The following CPA6 variants were observed in gnomAD, a reference collection of about 807,000 sequenced individuals.
CPA6 encodes the protein carboxypeptidase A6, also known as carboxypeptidase B.
CPA6 carries 58 observed loss-of-function variants against 63.3 expected under a neutral mutation model. That is an observed-to-expected ratio of 0.92 (90% CI 0.74 to 1.14). The LOEUF (loss-of-function observed/expected upper bound fraction) is 1.14, where lower values mean the gene tolerates loss of function less well. Among genes scored for constraint, CPA6 ranks in the 50% most tolerant of loss-of-function variants. The probability of loss-of-function intolerance (pLI) is 0.00; values close to 1 mark genes in which losing one functional copy is unlikely to be tolerated. For missense variants in CPA6, 565 were observed against 526.6 expected, an observed-to-expected ratio of 1.07 and a Z score of -0.71; for synonymous variants, 185 against 179.0, an observed-to-expected ratio of 1.03 and a Z score of -0.27.
At chr8:67,507,464 TC>T (rs2128964931) in intron 5 of CPA6, among the ~76,000 whole-genome samples, 1 of 152,296 alleles carries the variant, frequency 6.6e-6, no homozygotes, top group South Asian at 2.1e-4. Context: ...TTCTTTACAA[TC>T]CTACCATATC....
intron 2 of CPA6, among the ~76,000 whole-genome samples, chr8:67,601,760 T>A (rs1347297431): frequency 6.6e-6 from 1 of 152,144 alleles, no homozygotes; most frequent in African/African-American, 2.4e-5. Flanking sequence ...AAATAGGAAT[T>A]TTCATACATT....
At chr8:67,630,708 TG>T (rs1490738550) in intron 1 of CPA6, among the ~76,000 whole-genome samples, 1 of 152,128 alleles carries the variant, frequency 6.6e-6, no homozygotes, top group Non-Finnish European at 1.5e-5. Context: ...TCCCTCTGCT[TG>T]AGGGGATGTG....
At chr8:67,451,904 A>G (rs1316601469) in intron 8 of CPA6, among the ~76,000 whole-genome samples, 1 of 152,236 alleles carries the variant, frequency 6.6e-6, no homozygotes, top group East Asian at 1.9e-4. Context: ...AATGTTTCCA[A>G]AAGAAAATGA....
At position 67,554,531 on chromosome 8, in the gene CPA6, A is replaced by T; in HGVS notation, c.193-36484T>A. ...ATTAAAATTCAACATAAGATTTGGCAGGGACACATATTTAAACTATATCAG... is the reference window on the plus strand; with the variant it reads ...ATTAAAATTCAACATAAGATTTGGCTGGGACACATATTTAAACTATATCAG... On this transcript the variant is annotated intron_variant, in intron 2 of 10. Coordinates refer to ENST00000297770, the MANE Select transcript of CPA6 (RefSeq NM_020361.5). Among the ~76,000 whole-genome samples, 2 of 152,186 alleles carry T rather than the reference A, an allele frequency of 1.3e-5. 1 individual carries two copies. Among genetic ancestry groups the T allele is most frequent in the Non-Finnish European group, 2.9e-5 (2 of 68,030 alleles).
chr8:67,631,917 C>T lies in CPA6; in HGVS notation c.117-7666G>A, dbSNP rs550908112. On this transcript the variant is annotated intron_variant, in intron 1 of 10. Coordinates refer to ENST00000297770, the MANE Select transcript of CPA6 (RefSeq NM_020361.5). The stretch of plus-strand genomic sequence containing the variant: ...TGAAGCCAGCGAGACCACGAACCCA[C>T]CAGAAGGAAAAACCTCTGAACATGT... 5.3e-5 allele frequency among the ~76,000 whole-genome samples: 8 copies of T among 152,150 alleles called. No homozygotes were observed. The East Asian group carries it at 1.5e-3, about 29-fold the overall frequency.
In CPA6 at chr8:67,506,819, CA is replaced by C; in HGVS notation, c.603del (p.Ile201MetfsTer10). On this transcript the variant is annotated frameshift_variant, in exon 6 of 11. Transcript: ENST00000297770. ...IDCGIHAREW[I>X]GPAFCQWFVK... ...ACAAACCACTGACAAAAGGCAGGACCAATCCATTCTCTTGCATGAATACCAC... is the reference window on the plus strand; with the variant it reads ...ACAAACCACTGACAAAAGGCAGGACCATCCATTCTCTTGCATGAATACCAC... 1 of 1,613,186 alleles carries C rather than the reference CA, an allele frequency of 6.2e-7. No individual in the cohort carries two copies. Among genetic ancestry groups the C allele is most frequent in the Non-Finnish European group, 8.5e-7 (1 of 1,179,280 alleles).
intron 1 of CPA6, among the ~76,000 whole-genome samples, chr8:67,727,372 T>C (rs1273046059): frequency 6.6e-6 from 1 of 152,160 alleles, no homozygotes; most frequent in African/African-American, 2.4e-5. Flanking sequence ...TTAAAGGAAA[T>C]TGGAAGACCT....
intron 1 of CPA6, among the ~76,000 whole-genome samples, chr8:67,729,000 A>T (rs1319445271): frequency 6.6e-6 from 1 of 152,210 alleles, no homozygotes; most frequent in African/African-American, 2.4e-5. Context: ...AGATGAAGTG[A>T]CTTCATTAAA....
At chr8:67,601,722 T>G (rs1814501036) in intron 2 of CPA6, among the ~76,000 whole-genome samples, 1 of 152,210 alleles carries the variant, frequency 6.6e-6, no homozygotes, top group Non-Finnish European at 1.5e-5. Flanking sequence ...ATAGCTTGAT[T>G]GTACCATATG....
intron 6 of CPA6, among the ~76,000 whole-genome samples, chr8:67,498,535 C>CAAAAAAAA (rs397940852): frequency 3.0e-5 from 1 of 33,176 alleles, no homozygotes; most frequent in African/African-American, 5.8e-5. Context: ...GACTCCATCT[C>CAAAAAAAA]AAAAAAAAAA....
intron 2 of CPA6, among the ~76,000 whole-genome samples, chr8:67,522,815 A>T (rs972557125): frequency 1.3e-5 from 2 of 152,214 alleles, no homozygotes; most frequent in Admixed American, 1.3e-4. Context: ...GCTGTGGTGG[A>T]TGCAGTGGGC....
rs145502171 is a variant in CPA6 at position 67,450,218 on chromosome 8, A to G, written c.839-15978T>C. 1.9e-4 allele frequency among the ~76,000 whole-genome samples: 29 copies of G among 152,320 alleles called. No individual in the cohort carries two copies. In the East Asian group the frequency reaches 5.4e-3, roughly 28 times the overall value. ...TTTATGGTCAATGTACTACATAAACATAGTGTTTTGAGAGTTACAAAAATT... is the reference window on the plus strand; with the variant it reads ...TTTATGGTCAATGTACTACATAAACGTAGTGTTTTGAGAGTTACAAAAATT... On this transcript the variant is annotated intron_variant, in intron 8 of 10. Coordinates refer to ENST00000297770, the MANE Select transcript of CPA6 (RefSeq NM_020361.5).
At chr8:67,733,373 A>C (rs1817752363) in intron 1 of CPA6, among the ~76,000 whole-genome samples, 2 of 152,006 alleles carry the variant, frequency 1.3e-5, no homozygotes, top group Admixed American at 1.3e-4. Flanking sequence ...TGCTGGTCTG[A>C]GACCCACTGT....
chr8:67,552,531 T>C (rs1035102819), intron 2 of CPA6, among the ~76,000 whole-genome samples: 4 of 151,928 alleles, frequency 2.6e-5, no homozygotes, highest in Admixed American at 2.6e-4. Context: ...CCCAGCACTT[T>C]GGGAGGCCAA....
chr8:67,523,303 C>T lies in CPA6; in HGVS notation c.193-5256G>A, dbSNP rs547195692. ...CAGCACTTTGGGAGGTAGAGGTGGG[C>T]GGATCATGAGGTCAGGAGATTGAGA... On this transcript the variant is annotated intron_variant, in intron 2 of 10. Coordinates refer to ENST00000297770, the MANE Select transcript of CPA6 (RefSeq NM_020361.5). 5.3e-5 allele frequency among the ~76,000 whole-genome samples: 8 copies of T among 152,138 alleles called. No homozygotes were observed. In the South Asian group the frequency reaches 1.5e-3, roughly 28 times the overall value.
At chr8:67,629,223 T>A (rs1445888527) in intron 1 of CPA6, among the ~76,000 whole-genome samples, 1 of 151,932 alleles carries the variant, frequency 6.6e-6, no homozygotes, top group East Asian at 1.9e-4. Context: ...ATTCCAGAAC[T>A]TGGGAGGCTG....
In CPA6 at chr8:67,486,487, G is replaced by T. The variant is rs1587482143; in HGVS notation, c.637-1698C>A. On this transcript the variant is annotated intron_variant, in intron 6 of 10. Coordinates refer to ENST00000297770, the MANE Select transcript of CPA6 (RefSeq NM_020361.5). ...GGTCTGCCTAAATACACTCTATGAT[G>T]TTCACACAATGATGAAATCGCTTAA... Among the ~76,000 whole-genome samples the T allele has an allele frequency of 2.0e-5, 3 of 152,312 alleles. No homozygotes were observed. The East Asian group carries it at 5.8e-4, about 29-fold the overall frequency.
intron 10 of CPA6, 42 bp from the exon 11 acceptor site, chr8:67,422,733 GA>G (rs779936685): frequency 6.7e-7 from 1 of 1,490,950 alleles, no homozygotes; most frequent in Admixed American, 2.0e-5. Flanking sequence ...CCTCACTAAA[GA>G]GTCAGTATAA....
chr8:67,607,072 G>GTCTTCTTCTTCTTCCTCT (rs1814656687), intron 2 of CPA6, among the ~76,000 whole-genome samples: 1 of 149,790 alleles, frequency 6.7e-6, no homozygotes, highest in Non-Finnish European at 1.5e-5. Flanking sequence ...TCTCAAATCT[G>GTCTTCTTCTTCTTCCTCT]TCTTCTTCTT....
Sources: gnomAD v4.1 joint callset for allele counts (sites outside exome capture counted in the v4.1 genomes callset) on GRCh38, gnomAD v4.1.1 for gene constraint, MANE v1.5 for transcripts, NCBI Gene and HGNC (gene_info 2026-07-23, HGNC 2026-07-21) for gene names.